PLA2G4E: variants seen among roughly 807,000 people sequenced by gnomAD.
The protein encoded by PLA2G4E is cytosolic phospholipase A2 epsilon.
Under a neutral mutation model 109.1 loss-of-function variants are expected in PLA2G4E, and 84 were observed. The observed-to-expected ratio is 0.77, with a 90% CI of 0.65 to 0.92. The LOEUF (loss-of-function observed/expected upper bound fraction) is 0.92, where lower values mean the gene tolerates loss of function less well. Ranked by LOEUF, PLA2G4E falls within the 40% of genes least tolerant of loss-of-function variation. The pLI, the probability that PLA2G4E is intolerant of heterozygous loss-of-function variation, is 0.00. For synonymous variants in PLA2G4E, 469 were observed against 436.1 expected, an observed-to-expected ratio of 1.08 and a Z score of -0.94; for missense variants, 1,057 against 1,076.6, an observed-to-expected ratio of 0.98 and a Z score of 0.25.
chr15:41,995,953 C>T (rs578030874), intron 11 of PLA2G4E, among the ~76,000 whole-genome samples: 11 of 152,324 alleles, frequency 7.2e-5, no homozygotes, highest in African/African-American at 2.6e-4. Context: ...TCAGCAGGTA[C>T]TGTACTGGCA....
At chr15:42,017,945 G>A (rs1027852828) in intron 1 of PLA2G4E, among the ~76,000 whole-genome samples, 6 of 152,122 alleles carry the variant, frequency 3.9e-5, no homozygotes, top group Non-Finnish European at 7.3e-5. Flanking sequence ...TCCAGCTCTC[G>A]AATTTTCAGG....
chr15:42,022,024 C>T (rs1360237139), intron 1 of PLA2G4E, among the ~76,000 whole-genome samples: 2 of 152,178 alleles, frequency 1.3e-5, no homozygotes, highest in African/African-American at 4.8e-5. Context: ...TTGCCCTGCC[C>T]TCCCCTCCTC....
At chr15:41,991,055 CA>C (rs2068239841) in intron 13 of PLA2G4E, among the ~76,000 whole-genome samples, 1 of 152,120 alleles carries the variant, frequency 6.6e-6, no homozygotes. Context: ...TGAAAGAAAA[CA>C]GGGTCATAAC....
chr15:42,038,006 G>A (rs1048811535), intron 1 of PLA2G4E, among the ~76,000 whole-genome samples: 5 of 152,182 alleles, frequency 3.3e-5, no homozygotes, highest in Admixed American at 1.3e-4. Context: ...AGCAAAACTT[G>A]GGCAAAGGTG....
intron 1 of PLA2G4E, among the ~76,000 whole-genome samples, chr15:42,015,503 C>A (rs903638270): frequency 6.6e-6 from 1 of 152,226 alleles, no homozygotes; most frequent in African/African-American, 2.4e-5. Flanking sequence ...GCCTCTGTTG[C>A]TCTGAGAGTG....
chr15:41,995,515 A>G lies in PLA2G4E; in HGVS notation c.1111-19T>C. 2.5e-6 allele frequency: 4 copies of G among 1,609,728 alleles called. No individual in the cohort carries two copies. The highest frequency in any genetic ancestry group is 3.4e-6 in the Non-Finnish European group (4 of 1,176,526). ...GCGGCACCTGGGGTTACACAGAGGC[A>G]GGCGGTTGGGGAAGGCTCCAGAAGC... On this transcript the variant is annotated intron_variant, in intron 11 of 19. Coordinates refer to ENST00000399518, the Ensembl canonical transcript of PLA2G4E.
chr15:42,049,312 A>C (rs1267777123), intron 1 of PLA2G4E, among the ~76,000 whole-genome samples: 45 of 152,168 alleles, frequency 3.0e-4, no homozygotes, highest in Non-Finnish European at 2.9e-5. Context: ...ACTCACTTTT[A>C]TAACAATCTC....
At chr15:42,033,870 G>C (rs1889159870) in intron 1 of PLA2G4E, among the ~76,000 whole-genome samples, 1 of 152,222 alleles carries the variant, frequency 6.6e-6, no homozygotes, top group Non-Finnish European at 1.5e-5. Context: ...CAGCATGGCA[G>C]AGACCCCTTG....
chr15:42,043,028 G>C (rs1258456574), intron 1 of PLA2G4E, among the ~76,000 whole-genome samples: 1 of 152,186 alleles, frequency 6.6e-6, no homozygotes, highest in Non-Finnish European at 1.5e-5. Context: ...TTAGTCACTT[G>C]GAAGGTAATA....
At chr15:41,991,616 T>C (rs1252435722) in intron 13 of PLA2G4E, among the ~76,000 whole-genome samples, 1 of 152,178 alleles carries the variant, frequency 6.6e-6, no homozygotes, top group East Asian at 1.9e-4. Flanking sequence ...GTTCCTGGCA[T>C]GCAGGAGGTA....
intron 1 of PLA2G4E, among the ~76,000 whole-genome samples, chr15:42,029,930 T>A (rs1402496840): frequency 6.6e-6 from 1 of 152,146 alleles, no homozygotes; most frequent in Non-Finnish European, 1.5e-5. Flanking sequence ...ACACAGATAG[T>A]TTCAGGACAA....
At chr15:42,035,302 G>T (rs2141073288) in intron 1 of PLA2G4E, among the ~76,000 whole-genome samples, 1 of 152,324 alleles carries the variant, frequency 6.6e-6, no homozygotes, top group Middle Eastern at 3.4e-3. Flanking sequence ...ATACCTTACT[G>T]CCTTGGTGAC....
Position 42,020,199 on chromosome 15 carries a change from C to A in PLA2G4E, c.184-6442G>T, listed in dbSNP as rs531889277. ...GGGGCAAAGTACTTTCAGGGCATCACCCATGTCATTCAATGATTTAACTTG... is the reference window on the plus strand; with the variant it reads ...GGGGCAAAGTACTTTCAGGGCATCAACCATGTCATTCAATGATTTAACTTG... On this transcript the variant is annotated intron_variant, in intron 1 of 19. Transcript: ENST00000399518. 2.6e-5 allele frequency among the ~76,000 whole-genome samples: 4 copies of A among 152,356 alleles called. No individual in the cohort carries two copies. The East Asian group carries it at 7.7e-4, about 29-fold the overall frequency.
At chr15:41,996,212 G>A (rs1448216302) in intron 11 of PLA2G4E, among the ~76,000 whole-genome samples, 1 of 152,074 alleles carries the variant, frequency 6.6e-6, no homozygotes, top group Non-Finnish European at 1.5e-5. Context: ...GCCAGGCATT[G>A]TGGCTCATTC....
rs1295149101 is a variant in PLA2G4E, at chr15:42,049,750, C to T, written c.183+771G>A. Among the ~76,000 whole-genome samples, 3 of 152,158 alleles carry T rather than the reference C, an allele frequency of 2.0e-5. No individual in the cohort carries two copies. In the East Asian group the frequency reaches 5.8e-4, roughly 29 times the overall value. On this transcript the variant is annotated intron_variant, in intron 1 of 19. Coordinates refer to ENST00000399518, the Ensembl canonical transcript of PLA2G4E. ...GGCAGGAGGAAGCGAGGCTCACTCC[C>T]TGCAGAGCTCAGTCTGGTGCCACCG...
intron 1 of PLA2G4E, among the ~76,000 whole-genome samples, chr15:42,017,798 G>T (rs2068610613): frequency 6.6e-6 from 1 of 152,140 alleles, no homozygotes; most frequent in Non-Finnish European, 1.5e-5. Flanking sequence ...ACTCTTACTG[G>T]CTGTTTCTAC....
Position 41,983,844 on chromosome 15 carries a change from A to T in PLA2G4E, c.2517T>A (p.Tyr839Ter), listed in dbSNP as rs761242794. The T allele has an allele frequency of 1.6e-5, 26 of 1,612,566 alleles. No homozygotes were observed. Among genetic ancestry groups the T allele is most frequent in the Non-Finnish European group, 2.2e-5 (26 of 1,179,362 alleles). The stretch of plus-strand genomic sequence containing the variant: ...GAGTGTCCTTATTATTCAGGATGTT[A>T]TACTCTGAGAGTTTCACCAGCTTGT... The change falls in exon 20 of 20, where the codon TAT becomes TAA. Residue 839 changes from tyrosine (Y) to a stop codon, truncating the protein, a stop_gained. Transcript: ENST00000399518. LOFTEE classifies it high-confidence loss of function.
intron 1 of PLA2G4E, among the ~76,000 whole-genome samples, chr15:42,040,697 A>G (rs546981392): frequency 1.3e-5 from 2 of 152,374 alleles, no homozygotes; most frequent in South Asian, 4.1e-4. Flanking sequence ...AAAAACTGAC[A>G]AAAGATATAA....
rs765399371 is a variant in PLA2G4E, at chr15:41,983,907, A to G, written c.2454T>C (p.Tyr818=). The change falls in exon 20 of 20, where the codon TAT becomes TAC. Residue 818 remains tyrosine (Y), a synonymous_variant. Transcript: ENST00000399518. ...CTGTGTATGTCAGCTCCTTGGTGGC[A>G]TAGGGAGTTTTGGGACCATAAATGT... The G allele has an allele frequency of 3.1e-6, 5 of 1,613,466 alleles. No homozygotes were observed. The South Asian group carries it at 3.3e-5, about 11-fold the overall frequency.
Sources: gnomAD v4.1 joint callset for allele counts (sites outside exome capture counted in the v4.1 genomes callset) on GRCh38, gnomAD v4.1.1 for gene constraint, MANE v1.5 for transcripts, NCBI Gene and HGNC (gene_info 2026-07-23, HGNC 2026-07-21) for gene names.